PCCA: variants seen among roughly 807,000 people sequenced by gnomAD.
PCCA encodes propionyl-CoA carboxylase subunit alpha.
Under a neutral mutation model 101.3 loss-of-function variants are expected in PCCA, and 74 were observed. That is an observed-to-expected ratio of 0.73 (90% confidence interval 0.61 to 0.89). PCCA has a LOEUF of 0.89. Ranked by LOEUF, PCCA falls within the 40% of genes least tolerant of loss-of-function variation. The pLI is 0.00. For missense variants in PCCA, 891 were observed against 907.0 expected (o/e 0.98, Z 0.23); for synonymous variants, 294 against 313.6 (o/e 0.94, Z 0.66).
In PCCA at chr13:100,392,824, C is replaced by G. The variant is rs1271915218; in HGVS notation, c.1746+24250C>G. Among the ~76,000 whole-genome samples, 4 of 152,144 alleles carry G rather than the reference C, an allele frequency of 2.6e-5. No individual in the cohort carries two copies. The East Asian group carries it at 5.8e-4, about 22-fold the overall frequency. The stretch of plus-strand genomic sequence containing the variant: ...TTTGGAGAAAAAAGTCACAGACTTT[C>G]AAAACTTACAGGAATTTGGCTGTCC... On this transcript the variant is annotated intron_variant, in intron 19 of 23. Transcript: ENST00000376285.
intron 7 of PCCA, among the ~76,000 whole-genome samples, chr13:100,220,124 G>C (rs577340159): frequency 6.6e-6 from 1 of 152,292 alleles, no homozygotes; most frequent in Non-Finnish European, 1.5e-5. Flanking sequence ...AAGGTAGTAA[G>C]AGCCCACCCT....
intron 19 of PCCA, among the ~76,000 whole-genome samples, chr13:100,392,997 G>C (rs1190769442): frequency 6.6e-6 from 1 of 152,104 alleles, no homozygotes; most frequent in Non-Finnish European, 1.5e-5. Context: ...GCCTCCTGAC[G>C]GCTCCTGCTT....
intron 21 of PCCA, chr13:100,491,748 G>GTTTGTACAAGCTCTTTTGGA (rs2084925576): frequency 7.8e-7 from 1 of 1,283,178 alleles, no homozygotes; most frequent in African/African-American, 1.5e-5. Flanking sequence ...AAAGCTCTCG[G>GTTTGTACAAGCTCTTTTGGA]TTTGTACAAG....
rs1395267482 is a variant in PCCA, at chr13:100,473,413, C to G, written c.1899+24108C>G. 2.0e-5 allele frequency: 3 copies of G among 152,138 alleles called. No homozygotes were observed. In the East Asian group the frequency reaches 5.8e-4, roughly 29 times the overall value. The allele number at this position is 152,138 out of a possible 1,614,324, so 9.4% of individuals were successfully genotyped here. On this transcript the variant is annotated intron_variant, in intron 21 of 23. Transcript: ENST00000376285. ...CACTTTGATTGGAATTTTGAGTGTC[C>G]CCAAACTCTGGTTGTACTCTTTCAC...
At chr13:100,166,350 T>C (rs1172348514) in intron 6 of PCCA, among the ~76,000 whole-genome samples, 1 of 152,212 alleles carries the variant, frequency 6.6e-6, no homozygotes, top group Non-Finnish European at 1.5e-5. Flanking sequence ...GTTTCCCCTC[T>C]TTTGCCCAGG....
intron 7 of PCCA, among the ~76,000 whole-genome samples, chr13:100,220,740 A>G (rs2059772883): frequency 6.6e-6 from 1 of 152,164 alleles, no homozygotes; most frequent in South Asian, 2.1e-4. Flanking sequence ...AAGACCATGA[A>G]TTTGCATTAC....
intron 17 of PCCA, among the ~76,000 whole-genome samples, chr13:100,332,053 C>T (rs1409875053): frequency 6.6e-6 from 1 of 151,334 alleles, no homozygotes; most frequent in South Asian, 2.1e-4. Context: ...ATTCTCCTGC[C>T]GCAGCGTCCC....
intron 16 of PCCA, among the ~76,000 whole-genome samples, chr13:100,314,567 C>T (rs1028197561): frequency 6.6e-6 from 1 of 152,180 alleles, no homozygotes; most frequent in African/African-American, 2.4e-5. Context: ...AGCATAAACT[C>T]AGGTATGATT....
intron 4 of PCCA, among the ~76,000 whole-genome samples, chr13:100,119,679 C>T (rs569846164): frequency 6.6e-6 from 1 of 152,120 alleles, no homozygotes; most frequent in African/African-American, 2.4e-5. Context: ...CCCCCACAAC[C>T]TTTCACTGAG....
intron 6 of PCCA, among the ~76,000 whole-genome samples, chr13:100,206,393 A>G (rs1359413968): frequency 2.6e-5 from 4 of 152,034 alleles, no homozygotes; most frequent in African/African-American, 9.7e-5. Context: ...CAACCTCCAG[A>G]GTAGTTGGGA....
At chr13:100,225,224 T>A (rs958700427) in intron 7 of PCCA, among the ~76,000 whole-genome samples, 1 of 152,160 alleles carries the variant, frequency 6.6e-6, no homozygotes. Context: ...GGAAGTGGAA[T>A]CCATGGGATT....
chr13:100,175,057 T>C (rs893119706), intron 6 of PCCA, among the ~76,000 whole-genome samples: 3 of 152,206 alleles, frequency 2.0e-5, no homozygotes, highest in African/African-American at 7.2e-5. Context: ...TCTTCTAATA[T>C]TCTGTGCCCT....
intron 1 of PCCA, among the ~76,000 whole-genome samples, chr13:100,091,800 C>T (rs1249796553): frequency 6.6e-6 from 1 of 152,136 alleles, no homozygotes; most frequent in Non-Finnish European, 1.5e-5. Flanking sequence ...TTTTTAAGCA[C>T]ATTCTGTTTT....
chr13:100,229,532 T>C (rs2060344186), intron 7 of PCCA, among the ~76,000 whole-genome samples: 1 of 152,264 alleles, frequency 6.6e-6, no homozygotes, highest in Non-Finnish European at 1.5e-5. Context: ...CATTAAGTCA[T>C]AGCCTGTTCC....
rs138400359 is a variant in PCCA, at chr13:100,194,503, C to T, written c.469-14829C>T. On this transcript the variant is annotated intron_variant, in intron 6 of 23. Transcript: ENST00000376285. ...TGCAACTTCAGCTCACTGCAACCTC[C>T]GCCTCCCGGGTTCAAGCAATTCTCC... Among the ~76,000 whole-genome samples the T allele has an allele frequency of 1.5e-3, 233 of 152,218 alleles. 1 individual carries two copies. Among genetic ancestry groups the T allele is most frequent in the African/African-American group, 4.6e-3 (193 of 41,512 alleles).
At chr13:100,422,062 CTCTTTTCTTTTCTTTCTTTCTTTCT>C (rs1285580110) in intron 19 of PCCA, among the ~76,000 whole-genome samples, 2 of 56,146 alleles carry the variant, frequency 3.6e-5, no homozygotes, top group African/African-American at 1.3e-4. Context: ...CTTTTCTCTT[CTCTTTTCTTTTCTTTCTTTCTTTCT>C]TTCTTTCTTT....
At chr13:100,092,561 A>T (rs1470179238) in intron 1 of PCCA, among the ~76,000 whole-genome samples, 3 of 151,648 alleles carry the variant, frequency 2.0e-5, no homozygotes, top group South Asian at 2.1e-4. Flanking sequence ...TTTTAATTTT[A>T]ATTTTTATTT....
chr13:100,346,068 G>C (rs1455147303), intron 18 of PCCA, among the ~76,000 whole-genome samples: 1 of 152,132 alleles, frequency 6.6e-6, no homozygotes, highest in Non-Finnish European at 1.5e-5. Flanking sequence ...AGCACAAGGA[G>C]ATTAATGTTG....
At chr13:100,417,193 G>A (rs1482725998) in intron 19 of PCCA, among the ~76,000 whole-genome samples, 2 of 152,290 alleles carry the variant, frequency 1.3e-5, no homozygotes, top group African/African-American at 4.8e-5. Flanking sequence ...TGATATGTTT[G>A]GTTAAGCTGG....
Sources: allele counts gnomAD v4.1 joint callset (sites outside exome capture counted in the v4.1 genomes callset), GRCh38; gene constraint gnomAD v4.1.1; transcripts MANE v1.5; gene names NCBI Gene and HGNC (gene_info 2026-07-23, HGNC 2026-07-21).